HDAC4: variants seen among roughly 807,000 people sequenced by gnomAD.
The protein encoded by HDAC4 is histone deacetylase 4.
HDAC4 carries 16 observed loss-of-function variants against 135.1 expected under a neutral mutation model. The ratio of observed to expected loss-of-function variants is 0.12; its 90% CI spans 0.08 to 0.18. The LOEUF (loss-of-function observed/expected upper bound fraction) is 0.18, where lower values mean the gene tolerates loss of function less well. Ranked by LOEUF, HDAC4 falls within the 10% of genes least tolerant of loss-of-function variation. HDAC4 has a pLI of 1.00. For missense variants in HDAC4, 1,143 were observed against 1,511.8 expected, an observed-to-expected ratio of 0.76 and a Z score of 4.05; for synonymous variants, 685 against 653.4, an observed-to-expected ratio of 1.05 and a Z score of -0.74.
chr2:239,252,596 T>A (rs2048844199), intron 2 of HDAC4, among the ~76,000 whole-genome samples: 1 of 152,226 alleles, frequency 6.6e-6, no homozygotes, highest in Admixed American at 6.5e-5. Context: ...AGAGCTCTCA[T>A]GTCCCACGGA....
chr2:239,315,320 C>T (rs1293317674), intron 2 of HDAC4, among the ~76,000 whole-genome samples: 2 of 152,150 alleles, frequency 1.3e-5, no homozygotes, highest in Non-Finnish European at 1.5e-5. Flanking sequence ...GTCACAGGCA[C>T]GTCCTTAAGC....
At chr2:239,170,807 T>C (rs532219484) in intron 5 of HDAC4, among the ~76,000 whole-genome samples, 26 of 152,286 alleles carry the variant, frequency 1.7e-4, no homozygotes, top group South Asian at 1.0e-3. Context: ...GCCTGTTCTC[T>C]AGACTCAACA....
At chr2:239,177,830 A>G (rs750399891) in intron 4 of HDAC4, among the ~76,000 whole-genome samples, 6 of 152,220 alleles carry the variant, frequency 3.9e-5, no homozygotes, top group Non-Finnish European at 8.8e-5. Flanking sequence ...AATCGGGATA[A>G]ATGTTCAAGC....
At position 239,352,988 on chromosome 2, in the gene HDAC4, A is replaced by C. The variant is rs185362535; in HGVS notation, c.-219-70T>G. 30 of 452,814 alleles carry C rather than the reference A, an allele frequency of 6.6e-5. No homozygotes were observed. In the East Asian group the frequency reaches 1.1e-3, roughly 17 times the overall value. The allele number at this position is 452,814 out of a possible 1,614,324, so 28.0% of individuals were successfully genotyped here. A position where few individuals can be genotyped will look rare whatever the true frequency, so the allele number is the denominator to read the frequency against. On this transcript the variant is annotated intron_variant, in intron 1 of 26. Transcript: ENST00000543185. This position sits in a 1 kb window ranked among gnomAD's most constrained non-coding sequence, Gnocchi z 4.4. Reference sequence around the variant, plus strand: ...AGTTCCGATCTGGAAAACAACATCCAACTAGGGAAATGATGACTTCCTCTT... The same window carrying C: ...AGTTCCGATCTGGAAAACAACATCCCACTAGGGAAATGATGACTTCCTCTT...
chr2:239,312,295 A>G (rs973855527), intron 2 of HDAC4, among the ~76,000 whole-genome samples: 2 of 152,140 alleles, frequency 1.3e-5, no homozygotes, highest in Non-Finnish European at 2.9e-5. Context: ...CCTTGGTGCC[A>G]GGGCTCCTAG....
At chr2:239,137,834 A>G (rs1203428300) in intron 9 of HDAC4, among the ~76,000 whole-genome samples, 1 of 152,188 alleles carries the variant, frequency 6.6e-6, no homozygotes, top group African/African-American at 2.4e-5. Context: ...TCTAATGAAC[A>G]TCTGATGTGG....
At chr2:239,399,541 T>C (rs1696796765) in intron 1 of HDAC4, among the ~76,000 whole-genome samples, 1 of 152,144 alleles carries the variant, frequency 6.6e-6, no homozygotes, top group African/African-American at 2.4e-5. Context: ...ACCACGATCA[T>C]ATTACAAAAG....
intron 2 of HDAC4, among the ~76,000 whole-genome samples, chr2:239,344,831 T>G (rs768126429): frequency 3.3e-5 from 5 of 152,262 alleles, no homozygotes; most frequent in Non-Finnish European, 4.4e-5. Context: ...TATCCAGGCA[T>G]TTCTGTTGTC....
intron 2 of HDAC4, among the ~76,000 whole-genome samples, chr2:239,279,854 G>C (rs764934325): frequency 2.6e-5 from 4 of 152,178 alleles, no homozygotes; most frequent in Non-Finnish European, 5.9e-5. Flanking sequence ...GCTTCTCCAC[G>C]CCTTCCCCAG....
intron 24 of HDAC4, among the ~76,000 whole-genome samples, chr2:239,063,252 G>C (rs2106540489): frequency 6.6e-6 from 1 of 152,068 alleles, no homozygotes. Flanking sequence ...CCAGGCTGGA[G>C]TGTGGTGGCG....
chr2:239,178,782 C>T (rs1199258022), intron 4 of HDAC4, among the ~76,000 whole-genome samples: 1 of 152,150 alleles, frequency 6.6e-6, no homozygotes, highest in Non-Finnish European at 1.5e-5. Flanking sequence ...ACCAGAGTGG[C>T]CCGAGGAACT....
At chr2:239,361,946 A>G (rs1226106893) in intron 1 of HDAC4, among the ~76,000 whole-genome samples, 1 of 152,250 alleles carries the variant, frequency 6.6e-6, no homozygotes, top group Non-Finnish European at 1.5e-5. Flanking sequence ...ACATGCTACT[A>G]AGATCTCAAG....
chr2:239,374,299 G>A lies in HDAC4; in HGVS notation c.-219-21381C>T, dbSNP rs554370444. The stretch of plus-strand genomic sequence containing the variant: ...CCAAAGGAAAACACAGGTCAGAGGT[G>A]CTGCAGGGAAATGACAATGATGCCG... On this transcript the variant is annotated intron_variant, in intron 1 of 26. Transcript: ENST00000543185. Among the ~76,000 whole-genome samples the A allele has an allele frequency of 5.0e-4, 76 of 151,406 alleles. 1 individual carries two copies. Among genetic ancestry groups the A allele is most frequent in the African/African-American group, 1.7e-3 (69 of 41,262 alleles).
Position 239,262,574 on chromosome 2 carries a change from G to C in HDAC4, c.23-25910C>G, listed in dbSNP as rs939195776. Among the ~76,000 whole-genome samples, 2 of 152,212 alleles carry C rather than the reference G, an allele frequency of 1.3e-5. No homozygotes were observed. Among genetic ancestry groups the C allele is most frequent in the Non-Finnish European group, 2.9e-5 (2 of 68,036 alleles). ...TCTACTCTGAGGGGGCCAGAGCCTG[G>C]CTCTGACACTCTTGGCCAAATGTCC... On this transcript the variant is annotated intron_variant, in intron 2 of 26. Coordinates refer to ENST00000543185, the MANE Select transcript of HDAC4 (RefSeq NM_001378414.1). The surrounding 1 kb of genome is among the most constrained non-coding windows in gnomAD (Gnocchi z 4.1).
At chr2:239,094,887 C>T in intron 17 of HDAC4, 123 bp downstream of exon 17, 1 of 1,596,540 alleles carries the variant, frequency 6.3e-7, no homozygotes. Context: ...CATGGGCAGC[C>T]CCTGCGTATG....
intron 1 of HDAC4, among the ~76,000 whole-genome samples, chr2:239,358,551 C>G (rs1425145115): frequency 1.3e-5 from 2 of 152,216 alleles, no homozygotes; most frequent in Non-Finnish European, 2.9e-5. Flanking sequence ...GGTGTGCTAA[C>G]TGCTGCTGGG....
intron 19 of HDAC4, 80 bp from the exon 20 acceptor site, chr2:239,084,322 C>T (rs919477770): frequency 5.1e-5 from 49 of 954,130 alleles, no homozygotes; most frequent in South Asian, 3.3e-4. Flanking sequence ...GAGAGCCACT[C>T]GGGGTCCACG....
At chr2:239,242,733 A>G (rs11885107) in intron 2 of HDAC4, among the ~76,000 whole-genome samples, 4,965 of 152,274 alleles carry the variant, frequency 0.033, 278 homozygotes, top group African/African-American at 0.11. Flanking sequence ...GGATATTTCA[A>G]TGTTTTACTG....
At chr2:239,311,731 T>C (rs530043904) in intron 2 of HDAC4, among the ~76,000 whole-genome samples, 2 of 152,300 alleles carry the variant, frequency 1.3e-5, no homozygotes, top group East Asian at 3.9e-4. Flanking sequence ...TTAAACTACA[T>C]TCTGACACGA....
Sources: gnomAD v4.1 joint callset for allele counts (sites outside exome capture counted in the v4.1 genomes callset) on GRCh38, gnomAD v4.1.1 for gene constraint, Gnocchi (gnomAD v3.1) non-coding constraint, MANE v1.5 for transcripts, NCBI Gene and HGNC (gene_info 2026-07-23, HGNC 2026-07-21) for gene names.